CANX: variants seen among roughly 807,000 people sequenced by gnomAD.
CANX encodes the protein epididymis secretory sperm binding protein.
CANX carries 14 observed loss-of-function variants against 75.7 expected under a neutral mutation model. That is an observed-to-expected ratio of 0.19 (90% CI 0.12 to 0.29). The LOEUF (loss-of-function observed/expected upper bound fraction) is 0.29, where lower values mean the gene tolerates loss of function less well. Among genes scored for constraint, CANX ranks in the 10% least tolerant of loss-of-function variants. The probability of loss-of-function intolerance (pLI) is 1.00; values close to 1 mark genes in which losing one functional copy is unlikely to be tolerated. For missense variants in CANX, 567 were observed against 713.2 expected (o/e 0.79, Z 2.34); for synonymous variants, 227 against 236.9 (o/e 0.96, Z 0.38).
chr5:179,711,088 T>C (rs941403765), intron 7 of CANX, among the ~76,000 whole-genome samples: 7 of 151,956 alleles, frequency 4.6e-5, no homozygotes, highest in African/African-American at 1.7e-4. Context: ...CTCTTCACTT[T>C]AGTATCTTAG....
chr5:179,683,381 C>T (rs1192095815), intron 1 of CANX, among the ~76,000 whole-genome samples: 1 of 152,018 alleles, frequency 6.6e-6, no homozygotes, highest in African/African-American at 2.4e-5. Flanking sequence ...GATCCGCCCA[C>T]CTCAGCCTCC....
chr5:179,685,588 CTT>C (rs1201806095), intron 1 of CANX, among the ~76,000 whole-genome samples: 1 of 115,398 alleles, frequency 8.7e-6, no homozygotes, highest in African/African-American at 3.4e-5. Flanking sequence ...GAGTTTCGCT[CTT>C]GTTGCCCAGG....
At chr5:179,724,509 T>C in intron 12 of CANX, 148 bp from the exon 13 acceptor site, 1 of 623,730 alleles carries the variant, frequency 1.6e-6, no homozygotes, top group Non-Finnish European at 2.9e-6. Context: ...ACATACACGC[T>C]CTTCAGGGTA....
At chr5:179,681,030 G>T in intron 1 of CANX, 1 of 941,396 alleles carries the variant, frequency 1.1e-6, no homozygotes, top group Non-Finnish European at 1.6e-6. Flanking sequence ...TGCTGTCCCA[G>T]GGCTAGTCCC....
At chr5:179,678,731 A>G (rs1043287274) in exon 1 of CANX, 2 of 1,536,998 alleles carry the variant, frequency 1.3e-6, no homozygotes, top group Admixed American at 2.0e-5. Context: ...CATGCGCGCC[A>G]TGGTCTCAGT....
exon 1 of CANX, chr5:179,678,663 C>T (rs1775965301): frequency 2.0e-6 from 3 of 1,535,348 alleles, no homozygotes; most frequent in Middle Eastern, 1.7e-4. Flanking sequence ...TTCCTCTGCC[C>T]GGCGCGCGCC....
chr5:179,715,987 C>A, intron 7 of CANX, 118 bp from the exon 8 acceptor site: 2 of 779,416 alleles, frequency 2.6e-6, no homozygotes, highest in South Asian at 1.4e-5. Flanking sequence ...ATTGTTCTTA[C>A]CCCAAAGCCT....
intron 11 of CANX, 82 bp downstream of exon 11, chr5:179,723,101 T>TC: frequency 8.1e-7 from 1 of 1,233,664 alleles, no homozygotes; most frequent in Non-Finnish European, 1.2e-6. Flanking sequence ...AGGTTTTTTT[T>TC]CTTCATTTGG....
chr5:179,708,092 C>G, intron 4 of CANX, 147 bp from the exon 5 acceptor site: 2 of 588,308 alleles, frequency 3.4e-6, no homozygotes, highest in South Asian at 2.2e-5. Flanking sequence ...CTGCCCTCAG[C>G]CTCCCTAAGT....
chr5:179,679,083 G>A (rs1056064556), intron 1 of CANX: 2 of 1,535,704 alleles, frequency 1.3e-6, no homozygotes, highest in Admixed American at 2.0e-5. Context: ...CAAAACTGCT[G>A]CAGCGTCTGC....
chr5:179,707,039 C>T (rs887069726), intron 3 of CANX, 93 bp from the exon 4 acceptor site: 11 of 769,678 alleles, frequency 1.4e-5, no homozygotes, highest in Non-Finnish European at 2.6e-5. Flanking sequence ...AGGCTAAGAG[C>T]AGAATAGGTC....
chr5:179,680,872 C>T (rs1244000954), intron 1 of CANX: 1 of 1,536,578 alleles, frequency 6.5e-7, no homozygotes, highest in Non-Finnish European at 8.7e-7. Context: ...ATGGTACATA[C>T]CATCCCCAAG....
At chr5:179,696,137 C>A (rs539729431), upstream of CANX, among the ~76,000 whole-genome samples, 5 of 151,716 alleles carry the variant, frequency 3.3e-5, no homozygotes, top group Admixed American at 3.3e-4. Context: ...CCAGGCTGGT[C>A]TTGAATCCTG....
intron 8 of CANX, among the ~76,000 whole-genome samples, chr5:179,717,710 T>C (rs1479219314): frequency 6.6e-6 from 1 of 151,026 alleles, no homozygotes; most frequent in Non-Finnish European, 1.5e-5. Context: ...AATATGTTTT[T>C]TCTTTTCTTG....
rs971564872 is a variant in CANX, at chr5:179,727,251, C to T, written c.1725+492C>T. On this transcript the variant is annotated intron_variant, in intron 14 of 14. Transcript: ENST00000247461. ...CTGCCTTTAGGGAGCTTAAATTCTA[C>T]TTGGGGGAAACAGGCAATGAGCAGT... Among the ~76,000 whole-genome samples the T allele has an allele frequency of 3.3e-5, 5 of 152,124 alleles. No homozygotes were observed. In the South Asian group the frequency reaches 1.0e-3, roughly 31 times the overall value.
chr5:179,715,087 G>A (rs1160399821), intron 7 of CANX, among the ~76,000 whole-genome samples: 4 of 152,192 alleles, frequency 2.6e-5, no homozygotes, highest in Non-Finnish European at 4.4e-5. Flanking sequence ...AGAGTGTGAA[G>A]TTCTTCCTCA....
intron 1 of CANX, among the ~76,000 whole-genome samples, chr5:179,686,644 A>G (rs1776195593): frequency 6.6e-6 from 1 of 151,306 alleles, no homozygotes; most frequent in Non-Finnish European, 1.5e-5. Flanking sequence ...TGTATTTTTT[A>G]GTGGAGATGG....
At position 179,713,947 on chromosome 5, in the gene CANX, G is replaced by A. The variant is rs149264012; in HGVS notation, c.722-2158G>A. Among the ~76,000 whole-genome samples, 392 of 152,106 alleles carry A rather than the reference G, an allele frequency of 2.6e-3. 3 individuals are homozygous for A. Among genetic ancestry groups the A allele is most frequent in the African/African-American group, 8.9e-3 (370 of 41,490 alleles). ...TAGAAAGAAAAGGTAAATGTTTAAG[G>A]TTACAGATATTTCAATTACTGTGAT... On this transcript the variant is annotated intron_variant, in intron 7 of 14. Transcript: ENST00000247461.
intron 1 of CANX, chr5:179,680,800 C>T: frequency 8.0e-7 from 1 of 1,251,422 alleles, no homozygotes; most frequent in Non-Finnish European, 1.1e-6. Context: ...AGGGTTCCCT[C>T]TGTTATGCCT....
Sources: allele counts gnomAD v4.1 joint callset (sites outside exome capture counted in the v4.1 genomes callset), GRCh38; gene constraint gnomAD v4.1.1; transcripts MANE v1.5; gene names NCBI Gene and HGNC (gene_info 2026-07-23, HGNC 2026-07-21).